LTBP1: variants seen among roughly 807,000 people sequenced by gnomAD.
The protein encoded by LTBP1 is latent-transforming growth factor beta-binding protein 1.
Under a neutral mutation model 207.6 loss-of-function variants are expected in LTBP1, and 129 were observed. The ratio of observed to expected loss-of-function variants is 0.62; its 90% CI spans 0.54 to 0.72. The LOEUF is 0.72. Among genes scored for constraint, LTBP1 ranks in the 30% least tolerant of loss-of-function variants. LTBP1 has a pLI of 0.00. For synonymous variants in LTBP1, 963 were observed against 833.7 expected, an observed-to-expected ratio of 1.16 and a Z score of -2.67; for missense variants, 2,281 against 2,217.2, an observed-to-expected ratio of 1.03 and a Z score of -0.58.
intron 5 of LTBP1, 97 bp from the exon 6 acceptor site, chr2:33,186,759 T>A: frequency 1.1e-6 from 1 of 871,230 alleles, no homozygotes; most frequent in South Asian, 1.6e-5. Flanking sequence ...CTCTGATGCC[T>A]ATAATGGGCT....
chr2:33,142,166 C>T (rs1360105011), intron 5 of LTBP1, among the ~76,000 whole-genome samples: 14 of 152,104 alleles, frequency 9.2e-5, no homozygotes, highest in Admixed American at 8.5e-4. Flanking sequence ...ATTCTCATGC[C>T]TCAGCCTCCC....
At chr2:33,219,111 TTTTA>T (rs1471191658) in intron 8 of LTBP1, among the ~76,000 whole-genome samples, 1 of 152,222 alleles carries the variant, frequency 6.6e-6, no homozygotes, top group African/African-American at 2.4e-5. Flanking sequence ...AAGCAAGTAA[TTTTA>T]TTTATTTTGT....
At chr2:33,009,025 G>A (rs779982565) in intron 2 of LTBP1, among the ~76,000 whole-genome samples, 2 of 152,230 alleles carry the variant, frequency 1.3e-5, no homozygotes, top group African/African-American at 4.8e-5. Context: ...TTTGCAGGCT[G>A]TAAAAATAAG....
At chr2:32,953,321 C>T (rs1558429705) in intron 2 of LTBP1, among the ~76,000 whole-genome samples, 2 of 152,204 alleles carry the variant, frequency 1.3e-5, no homozygotes, top group Admixed American at 6.5e-5. Context: ...ATCGTGCTTG[C>T]CAAACTTGGG....
At chr2:33,358,753 C>T (rs1345572104) in intron 26 of LTBP1, among the ~76,000 whole-genome samples, 1 of 152,106 alleles carries the variant, frequency 6.6e-6, no homozygotes, top group African/African-American at 2.4e-5. Context: ...TTGAGCGGAA[C>T]TGGTAGTAGT....
chr2:33,232,222 C>T (rs1380289248), intron 9 of LTBP1, among the ~76,000 whole-genome samples: 1 of 152,072 alleles, frequency 6.6e-6, no homozygotes, highest in Non-Finnish European at 1.5e-5. Context: ...AGATATCCAG[C>T]ATGGGGGATT....
intron 3 of LTBP1, among the ~76,000 whole-genome samples, chr2:33,032,822 G>C (rs116662751): frequency 6.0e-4 from 91 of 152,236 alleles, no homozygotes; most frequent in African/African-American, 2.2e-3. Context: ...GTAACATGCT[G>C]CTTGATAAAA....
chr2:33,166,219 A>G (rs2148282331), intron 5 of LTBP1, among the ~76,000 whole-genome samples: 1 of 152,314 alleles, frequency 6.6e-6, no homozygotes, highest in South Asian at 2.1e-4. Flanking sequence ...AAAAAAGTAC[A>G]TATAAAATGT....
At chr2:33,215,282 G>T (rs1442899447) in intron 7 of LTBP1, among the ~76,000 whole-genome samples, 1 of 152,088 alleles carries the variant, frequency 6.6e-6, no homozygotes, top group Non-Finnish European at 1.5e-5. Flanking sequence ...CTACGTTATG[G>T]GTAGGAAAAT....
chr2:33,310,308 A>T (rs1032645471), intron 23 of LTBP1, among the ~76,000 whole-genome samples: 1 of 152,116 alleles, frequency 6.6e-6, no homozygotes, highest in African/African-American at 2.4e-5. Context: ...CATGAAGAAG[A>T]GGATCTTATA....
chr2:33,355,226 C>T, intron 26 of LTBP1, among the ~76,000 whole-genome samples: 1 of 151,836 alleles, frequency 6.6e-6, no homozygotes, highest in East Asian at 2.0e-4. Flanking sequence ...ATATGTGCTT[C>T]CTATTCTGAC....
At chr2:32,958,388 C>T (rs896417294) in intron 2 of LTBP1, among the ~76,000 whole-genome samples, 1 of 152,198 alleles carries the variant, frequency 6.6e-6, no homozygotes, top group Non-Finnish European at 1.5e-5. Context: ...CTGCTTCTTC[C>T]ATGCCCCTCT....
chr2:33,106,358 T>G (rs1471023887), intron 3 of LTBP1, among the ~76,000 whole-genome samples: 2 of 152,222 alleles, frequency 1.3e-5, no homozygotes, highest in Non-Finnish European at 2.9e-5. Context: ...GGCAAATCCT[T>G]TCCAGATGTT....
In LTBP1 at chr2:33,263,351, C is replaced by T. The variant is rs780060429; in HGVS notation, c.2576C>T (p.Thr859Met). 2.0e-5 allele frequency: 33 copies of T among 1,613,892 alleles called. No individual in the cohort carries two copies. In the South Asian group the frequency reaches 2.7e-4, roughly 13 times the overall value. Residue 859 changes from threonine (T) to methionine (M), a missense_variant, in exon 15 of 34, where the codon ACG becomes ATG. Thr to Met is a moderately conservative substitution (Grantham distance 81). Around this residue, in one of 3 missense-constraint regions of LTBP1, gnomAD observed 1,671 missense variants for 1,634.8 expected, o/e 1.02. Transcript: ENST00000404816. ...GTTGAAGTAGCTCCTGAAGCTTCTA[C>T]GTCTAGTGCCAGCCAAGTGATTGCT... The part of the protein sequence containing the change: ...VPVEVAPEAS[T>M]SSASQVIAPT...
chr2:33,241,435 A>G (rs1312231624), intron 9 of LTBP1, among the ~76,000 whole-genome samples: 2 of 152,184 alleles, frequency 1.3e-5, no homozygotes, highest in African/African-American at 4.8e-5. Context: ...GGAGAGTCAA[A>G]GAAGGGGCAT....
chr2:33,351,831 G>C (rs551972427), intron 26 of LTBP1, among the ~76,000 whole-genome samples: 69 of 152,166 alleles, frequency 4.5e-4, no homozygotes, highest in Admixed American at 1.1e-3. Flanking sequence ...CTCATTCTCA[G>C]GTTCTTCTTC....
chr2:32,989,394 A>T (rs1334062356), intron 2 of LTBP1, among the ~76,000 whole-genome samples: 1 of 152,240 alleles, frequency 6.6e-6, no homozygotes, highest in Non-Finnish European at 1.5e-5. Flanking sequence ...CATAATTATC[A>T]GTTTTCTACA....
intron 19 of LTBP1, among the ~76,000 whole-genome samples, chr2:33,287,456 G>A (rs1226815029): frequency 2.0e-5 from 3 of 152,200 alleles, no homozygotes; most frequent in Non-Finnish European, 4.4e-5. Context: ...AAATAAAAGA[G>A]CATAGAAAGG....
chr2:33,191,467 T>A (rs1034504709), intron 7 of LTBP1, among the ~76,000 whole-genome samples: 35 of 152,338 alleles, frequency 2.3e-4, no homozygotes, highest in Middle Eastern at 3.4e-3. Context: ...TTGGAAAGCA[T>A]TCTCAGCATA....
Sources: gnomAD v4.1 joint callset for allele counts (sites outside exome capture counted in the v4.1 genomes callset) on GRCh38, gnomAD v4.1.1 for gene constraint, gnomAD v4.1.1 regional missense constraint, MANE v1.5 for transcripts, NCBI Gene and HGNC (gene_info 2026-07-23, HGNC 2026-07-21) for gene names.